Variants in MIA2 observed in about 807,000 individuals in gnomAD.
MIA2 encodes melanoma inhibitory activity protein 2.
MIA2 carries 127 observed loss-of-function variants against 167.8 expected under a neutral mutation model. The observed-to-expected ratio is 0.76, with a 90% CI of 0.66 to 0.88. The LOEUF (loss-of-function observed/expected upper bound fraction) is 0.88, where lower values mean the gene tolerates loss of function less well. Among genes scored for constraint, MIA2 ranks in the 40% least tolerant of loss-of-function variants. The probability of loss-of-function intolerance (pLI) is 0.00; values close to 1 mark genes in which losing one functional copy is unlikely to be tolerated. For synonymous variants in MIA2, 552 were observed against 541.9 expected (o/e 1.02, Z -0.26); for missense variants, 1,690 against 1,624.7 (o/e 1.04, Z -0.69).
chr14:39,385,803 A>G, intron 23 of MIA2: 3 of 889,958 alleles, frequency 3.4e-6, no homozygotes, highest in Non-Finnish European at 5.8e-6. Context: ...TCTGGTTCTC[A>G]GTGCTTCTAT....
In MIA2 at chr14:39,240,544, G is replaced by T; in HGVS notation, c.250-17G>T. On this transcript the variant is annotated splice_polypyrimidine_tract_variant and intron_variant, in intron 2 of 28. Coordinates refer to ENST00000640607, the MANE Select transcript of MIA2 (RefSeq NM_001329214.4). ...TGATCATTCTTCCTCGATAATCTTTGTTCTTCATTTTGACAGAAAGGAAAG... is the reference window on the plus strand; with the variant it reads ...TGATCATTCTTCCTCGATAATCTTTTTTCTTCATTTTGACAGAAAGGAAAG... 1.3e-6 allele frequency: 2 copies of T among 1,580,334 alleles called. No individual in the cohort carries two copies. The highest frequency in any genetic ancestry group is 1.7e-6 in the Non-Finnish European group (2 of 1,151,278).
At chr14:39,381,620 A>C (rs567188047) in intron 23 of MIA2, among the ~76,000 whole-genome samples, 6 of 151,426 alleles carry the variant, frequency 4.0e-5, no homozygotes, top group African/African-American at 1.5e-4. Flanking sequence ...TGGCCTTGTT[A>C]CATAAATAAA....
At chr14:39,326,089 G>A (rs910172036) in intron 24 of MIA2, among the ~76,000 whole-genome samples, 4 of 152,302 alleles carry the variant, frequency 2.6e-5, no homozygotes, top group South Asian at 4.1e-4. Context: ...ACTCCTGTTT[G>A]TAAATGTAAA....
chr14:39,359,171 A>C (rs2074612652), intron 23 of MIA2, among the ~76,000 whole-genome samples: 1 of 152,206 alleles, frequency 6.6e-6, no homozygotes, highest in African/African-American at 2.4e-5. Context: ...AGAGGCAGGC[A>C]GGCCTCCTTG....
intron 11 of MIA2, 101 bp downstream of exon 11, chr14:39,293,482 T>C (rs1213290711): frequency 2.3e-6 from 2 of 864,510 alleles, no homozygotes; most frequent in African/African-American, 1.7e-5. Context: ...TTGTAAAAAA[T>C]GTAAAGAATA....
At chr14:39,371,026 C>CT (rs1424921470) in intron 23 of MIA2, among the ~76,000 whole-genome samples, 7 of 151,960 alleles carry the variant, frequency 4.6e-5, no homozygotes, top group East Asian at 3.8e-4. Context: ...TGGAATTTTA[C>CT]TTTTTTTTCC....
rs1331501347 is a variant in MIA2 at position 39,240,629 on chromosome 14, A to T, written c.318A>T (p.Glu106Asp). 3 of 1,610,994 alleles carry T rather than the reference A, an allele frequency of 1.9e-6. No homozygotes were observed. The Admixed American group carries it at 5.0e-5, about 27-fold the overall frequency. ...TTGAAGAGGTGTTCATATCTGAGGAAATTCAGATGTCAACGAAAGTGAGTA... is the reference window on the plus strand; with the variant it reads ...TTGAAGAGGTGTTCATATCTGAGGATATTCAGATGTCAACGAAAGTGAGTA... Reference protein sequence around the residue: ...VQIEEVFISEEIQMSTKESDF... With the variant: ...VQIEEVFISEDIQMSTKESDF... Residue 106 changes from glutamate to aspartate, a missense_variant, in exon 3 of 29, where the codon GAA (glutamate) becomes GAT (aspartate). Glu to Asp is a conservative substitution (Grantham distance 45, BLOSUM62 2). Transcript: ENST00000640607.
chr14:39,368,680 C>CTTTTTTTTTTTTTTTTTTT (rs35895928), intron 23 of MIA2, among the ~76,000 whole-genome samples: 1 of 102,564 alleles, frequency 9.8e-6, no homozygotes, highest in Non-Finnish European at 2.2e-5. Context: ...TTTTTCTTTT[C>CTTTTTTTTTTTTTTTTTTT]TTTTTTTTGT....
At chr14:39,248,442 C>T (rs2054405545) in intron 4 of MIA2, among the ~76,000 whole-genome samples, 1 of 150,578 alleles carries the variant, frequency 6.6e-6, no homozygotes, top group African/African-American at 2.5e-5. Flanking sequence ...AGTGCTAAGG[C>T]ATTTTTTTTT....
At chr14:39,267,385 GT>G in intron 6 of MIA2, 5 of 1,604,174 alleles carry the variant, frequency 3.1e-6, no homozygotes, top group Non-Finnish European at 4.2e-6. Flanking sequence ...ACCGAAGGCT[GT>G]GTGTTCTCCG....
At position 39,247,385 on chromosome 14, in the gene MIA2, G is replaced by A. The variant is rs748563193; in HGVS notation, c.811G>A (p.Glu271Lys). The change falls in exon 4 of 29, where the codon GAG becomes AAG. Residue 271 changes from glutamate to lysine, a missense_variant. Physicochemically the swap from Glu to Lys is moderately conservative, Grantham distance 56. Coordinates refer to ENST00000640607, the MANE Select transcript of MIA2 (RefSeq NM_001329214.4). ...ENDLEELNNG[E>K]PQTEHQQESE... ...TGACCTAGAGGAATTAAATAATGGT[G>A]AGCCTCAAACAGAACATCAGCAAGA... 9 of 1,614,092 alleles carry A rather than the reference G, an allele frequency of 5.6e-6. No homozygotes were observed. The highest frequency in any genetic ancestry group is 5.0e-5 in the Admixed American group (3 of 60,016).
chr14:39,246,075 T>TA (rs2054290492), intron 3 of MIA2, among the ~76,000 whole-genome samples: 1 of 143,454 alleles, frequency 7.0e-6, no homozygotes, highest in Non-Finnish European at 1.5e-5. Flanking sequence ...CAATTATTTT[T>TA]AAAAATTTTT....
intron 9 of MIA2, among the ~76,000 whole-genome samples, chr14:39,285,056 C>A (rs1159192828): frequency 6.6e-6 from 1 of 152,188 alleles, no homozygotes; most frequent in Non-Finnish European, 1.5e-5. Context: ...TTTCAGAGAG[C>A]ACAGGGTTGG....
At chr14:39,266,702 T>G (rs1672534706) in intron 6 of MIA2, 1 of 985,452 alleles carries the variant, frequency 1.0e-6, no homozygotes. Context: ...CGGCGGCGGC[T>G]GGCTTCTCGG....
chr14:39,368,539 C>A (rs970236485), intron 23 of MIA2, among the ~76,000 whole-genome samples: 1 of 152,082 alleles, frequency 6.6e-6, no homozygotes, highest in Non-Finnish European at 1.5e-5. Context: ...ATTTGGTGTA[C>A]CGTGGCTGCC....
At chr14:39,323,303 G>T (rs900993122) in intron 24 of MIA2, among the ~76,000 whole-genome samples, 33 of 151,990 alleles carry the variant, frequency 2.2e-4, no homozygotes, top group Non-Finnish European at 8.8e-5. Context: ...TGTTGATTTT[G>T]AACTGGAAGC....
Position 39,238,811 on chromosome 14 carries a change from A to AAAAAAAAAAAAAAAAAAAAAC in MIA2, c.250-1750_250-1749insAAAAAAAAAAAAAAAAAAAAC. On this transcript the variant is annotated intron_variant, in intron 2 of 28. Transcript: ENST00000640607. ...CCTGTCTCAAAAAAAAAAAAAAAAAACCCAAAAAACAAAAAAACCTAGCTG... is the reference window on the plus strand; with the variant it reads ...CCTGTCTCAAAAAAAAAAAAAAAAAAAAAAAAAAAAAAAAAAAAAACCCCAAAAAACAAAAAAACCTAGCTG... 1.9e-4 allele frequency among the ~76,000 whole-genome samples: 20 copies of AAAAAAAAAAAAAAAAAAAAAC among 103,630 alleles called. 1 individual carries two copies. The highest frequency in any genetic ancestry group is 3.9e-4 in the African/African-American group (10 of 25,566). The allele number at this position is 103,630 out of a possible 152,430, so 68.0% of individuals were successfully genotyped here.
At chr14:39,268,440 TAAGA>T (rs2152688699) in intron 6 of MIA2, among the ~76,000 whole-genome samples, 1 of 145,620 alleles carries the variant, frequency 6.9e-6, no homozygotes, top group South Asian at 2.1e-4. Context: ...TGTTGTCTGT[TAAGA>T]GAGAGAAGAC....
At chr14:39,366,942 G>T (rs963218748) in intron 23 of MIA2, among the ~76,000 whole-genome samples, 5 of 152,220 alleles carry the variant, frequency 3.3e-5, no homozygotes, top group African/African-American at 9.7e-5. Context: ...GTGTGCAAGT[G>T]CATGGCCGCT....
Sources: gnomAD v4.1 joint callset for allele counts (sites outside exome capture counted in the v4.1 genomes callset) on GRCh38, gnomAD v4.1.1 for gene constraint, MANE v1.5 for transcripts, NCBI Gene and HGNC (gene_info 2026-07-23, HGNC 2026-07-21) for gene names.